SLC25A28: variants seen among roughly 807,000 people sequenced by gnomAD.
SLC25A28 encodes mitoferrin-2.
SLC25A28 carries 10 observed loss-of-function variants against 31.9 expected under a neutral mutation model. That is an observed-to-expected ratio of 0.31 (90% CI 0.19 to 0.53). The LOEUF is 0.53. Ranked by LOEUF, SLC25A28 falls within the 20% of genes least tolerant of loss-of-function variation. The probability of loss-of-function intolerance (pLI) is 0.95; values close to 1 mark genes in which losing one functional copy is unlikely to be tolerated. For missense variants in SLC25A28, 256 were observed against 490.3 expected (o/e 0.52, Z 4.51); for synonymous variants, 208 against 203.6 (o/e 1.02, Z -0.19).
the SLC25A28 span, among the ~76,000 whole-genome samples, chr10:99,650,461 CTGTT>C: frequency 4.0e-5 from 6 of 151,890 alleles, no homozygotes; most frequent in Non-Finnish European, 8.8e-5. Flanking sequence ...GTTTCCCTGT[CTGTT>C]CTTGGATGGG....
chr10:99,624,665 T>C (rs2034851495), upstream of SLC25A28, among the ~76,000 whole-genome samples: 1 of 152,122 alleles, frequency 6.6e-6, no homozygotes, highest in South Asian at 2.1e-4. Context: ...TGAAACCCTG[T>C]CTCTACTAAA....
the SLC25A28 span, among the ~76,000 whole-genome samples, chr10:99,631,231 A>G: frequency 6.6e-6 from 1 of 152,224 alleles, no homozygotes; most frequent in African/African-American, 2.4e-5. Flanking sequence ...GTTGGGCAAC[A>G]TGGTCAATTT....
chr10:99,615,961 A>G (rs1426304687), intron 1 of SLC25A28: 16 of 985,328 alleles, frequency 1.6e-5, no homozygotes, highest in Admixed American at 6.1e-5. Flanking sequence ...TACTTTGAAC[A>G]TTCTATATAC....
rs772362810 is a variant in SLC25A28 at position 99,612,612 on chromosome 10, AAAC to A, written c.521-16_521-14del. On this transcript the variant is annotated splice_polypyrimidine_tract_variant and intron_variant, in intron 2 of 3. Transcript: ENST00000370495. The stretch of plus-strand genomic sequence containing the variant: ...CACCCGGCCGCACCTGCAAACAAGA[AAAC>A]AACTGCCACATGTAAGGCCAAGAGA... 4 of 1,614,124 alleles carry A rather than the reference AAAC, an allele frequency of 2.5e-6. No homozygotes were observed. Among genetic ancestry groups the A allele is most frequent in the East Asian group, 4.5e-5 (2 of 44,886 alleles).
Position 99,610,784 on chromosome 10 carries a change from G to C in SLC25A28, c.*65C>G, listed in dbSNP as rs182150592. Reference sequence around the variant, plus strand: ...TCCACTTGAGGTGGGAGCATTCCAGGAGACAGAGAATGTGACCAGGATGCA... The same window carrying C: ...TCCACTTGAGGTGGGAGCATTCCAGCAGACAGAGAATGTGACCAGGATGCA... On this transcript the variant is annotated 3_prime_UTR_variant, in exon 4 of 4. Coordinates refer to ENST00000370495, the MANE Select transcript of SLC25A28 (RefSeq NM_031212.4). The C allele has an allele frequency of 5.8e-6, 9 of 1,553,292 alleles. No individual in the cohort carries two copies. Among genetic ancestry groups the C allele is most frequent in the Non-Finnish European group, 7.9e-6 (9 of 1,144,860 alleles).
chr10:99,625,209 T>C (rs1043173472), upstream of SLC25A28, among the ~76,000 whole-genome samples: 4 of 103,136 alleles, frequency 3.9e-5, no homozygotes, highest in Non-Finnish European at 8.5e-5. Flanking sequence ...ACCAGCAAGA[T>C]TTATTCTGAA....
At chr10:99,637,721 T>G in the SLC25A28 span, among the ~76,000 whole-genome samples, 2 of 151,308 alleles carry the variant, frequency 1.3e-5, no homozygotes, top group Non-Finnish European at 3.0e-5. Context: ...ACAAAAAAAC[T>G]TAGGAATACA....
chr10:99,623,214 G>A (rs2034826283), upstream of SLC25A28, among the ~76,000 whole-genome samples: 1 of 152,194 alleles, frequency 6.6e-6, no homozygotes, highest in African/African-American at 2.4e-5. Flanking sequence ...GGTGCATGAG[G>A]AACAGAAAGA....
At chr10:99,644,290 T>C in the SLC25A28 span, among the ~76,000 whole-genome samples, 1 of 152,254 alleles carries the variant, frequency 6.6e-6, no homozygotes, top group Non-Finnish European at 1.5e-5. Flanking sequence ...TTAGCTCTTC[T>C]TGTTGAATTG....
chr10:99,658,835 G>T, the SLC25A28 span, among the ~76,000 whole-genome samples: 8 of 152,266 alleles, frequency 5.3e-5, no homozygotes, highest in East Asian at 1.5e-3. Flanking sequence ...CCACGCGCGC[G>T]CGTCGTTTCC....
chr10:99,636,937 C>T, the SLC25A28 span, among the ~76,000 whole-genome samples: 1 of 152,138 alleles, frequency 6.6e-6, no homozygotes, highest in Non-Finnish European at 1.5e-5. Flanking sequence ...CTAATTCATT[C>T]TATGAAGCCA....
At chr10:99,615,515 T>G (rs1303560493) in intron 1 of SLC25A28, 3 of 985,320 alleles carry the variant, frequency 3.0e-6, no homozygotes, top group Non-Finnish European at 3.6e-6. Flanking sequence ...TTCTCCTGCC[T>G]GCTACCAACA....
rs985605465 is a variant in SLC25A28, at chr10:99,620,144, C to T, written c.192G>A (p.Glu64=). 2 of 1,576,808 alleles carry T rather than the reference C, an allele frequency of 1.3e-6. No individual in the cohort carries two copies. Among genetic ancestry groups the T allele is most frequent in the Non-Finnish European group, 1.7e-6 (2 of 1,169,630 alleles). ...RQDPDSGPDY[E]ALPAGATVTT... ...TGACAGTGGCTCCAGCCGGCAGCGC[C>T]TCGTAGTCCGGGCCGGAGTCCGGAT... is the stretch of plus-strand genomic sequence containing the variant. Residue 64 remains glutamate (E), a synonymous_variant, in exon 1 of 4, where the codon GAG becomes GAA. Coordinates refer to ENST00000370495, the MANE Select transcript of SLC25A28 (RefSeq NM_031212.4).
chr10:99,617,653 C>T (rs551533828), intron 1 of SLC25A28: 8 of 985,344 alleles, frequency 8.1e-6, no homozygotes, highest in Non-Finnish European at 9.6e-6. Context: ...TCATACTGGC[C>T]TCACCTAGTT....
At chr10:99,621,439 G>A (rs1386426048), upstream of SLC25A28, 1 of 152,464 alleles carries the variant, frequency 6.6e-6, no homozygotes, top group East Asian at 1.9e-4. Context: ...AAAGGCAGCA[G>A]GGAAGTGCGG....
chr10:99,625,827 A>G, the SLC25A28 span, among the ~76,000 whole-genome samples: 1 of 152,150 alleles, frequency 6.6e-6, no homozygotes, highest in South Asian at 2.1e-4. Flanking sequence ...CCAGAAGATA[A>G]TTATTTTTGG....
Position 99,613,796 on chromosome 10 carries a change from G to A in SLC25A28, c.420C>T (p.Gly140=). ...PMRGLNVTAT[G]AGPAHALYFA... The stretch of plus-strand genomic sequence containing the variant: ...AATAAAGGGCGTGGGCAGGCCCTGC[G>A]CCTGTTGCTGTGACGTTCAGCCCCC... The change falls in exon 2 of 4, where the codon GGC becomes GGT. Residue 140 remains glycine (G), a synonymous_variant. Coordinates refer to ENST00000370495, the MANE Select transcript of SLC25A28 (RefSeq NM_031212.4). This position sits in a 1 kb window ranked among gnomAD's most constrained non-coding sequence, Gnocchi z 4.9. 1 of 1,614,194 alleles carries A rather than the reference G, an allele frequency of 6.2e-7. No individual in the cohort carries two copies. Among genetic ancestry groups the A allele is most frequent in the Non-Finnish European group, 8.5e-7 (1 of 1,180,026 alleles).
chr10:99,627,445 T>G, the SLC25A28 span, among the ~76,000 whole-genome samples: 1 of 77,174 alleles, frequency 1.3e-5, no homozygotes, highest in Non-Finnish European at 3.0e-5. Flanking sequence ...ATTCATCTTG[T>G]TTTTTTTTTT....
At chr10:99,639,028 G>A in the SLC25A28 span, among the ~76,000 whole-genome samples, 1 of 151,966 alleles carries the variant, frequency 6.6e-6, no homozygotes, top group Non-Finnish European at 1.5e-5. Flanking sequence ...CAAAATCGTA[G>A]AACCAACCCA....
Sources: gnomAD v4.1 joint callset for allele counts (sites outside exome capture counted in the v4.1 genomes callset) on GRCh38, gnomAD v4.1.1 for gene constraint, Gnocchi (gnomAD v3.1) non-coding constraint, MANE v1.5 for transcripts, NCBI Gene and HGNC (gene_info 2026-07-23, HGNC 2026-07-21) for gene names.